Variants in EYS observed in about 807,000 individuals in gnomAD.
EYS encodes EGF-like photoreceptor maintenance factor, also known as protein eyes shut homolog.
In EYS, 250 loss-of-function variants were observed where a neutral mutation model predicts 282.1. The observed-to-expected ratio is 0.89, with a 90% CI of 0.80 to 0.98. EYS has a LOEUF of 0.98. EYS is among the 50% of genes least tolerant of loss of function. EYS has a pLI of 0.00. For synonymous variants in EYS, 1,355 were observed against 1,282.9 expected (o/e 1.06, Z -1.20); for missense variants, 4,016 against 3,709.0 (o/e 1.08, Z -2.15).
At chr6:64,536,598 A>G (rs1461715874) in intron 26 of EYS, among the ~76,000 whole-genome samples, 5 of 152,086 alleles carry the variant, frequency 3.3e-5, no homozygotes, top group Non-Finnish European at 7.4e-5. Flanking sequence ...ATTAATCTTT[A>G]TATTTTCTCC....
intron 28 of EYS, among the ~76,000 whole-genome samples, chr6:64,405,126 G>T (rs772497830): frequency 5.3e-5 from 8 of 152,014 alleles, no homozygotes; most frequent in Non-Finnish European, 1.2e-4. Flanking sequence ...TATTTTTCCT[G>T]ATGCTCTCCC....
At chr6:65,214,849 A>T (rs1766271595) in intron 12 of EYS, among the ~76,000 whole-genome samples, 1 of 152,162 alleles carries the variant, frequency 6.6e-6, no homozygotes, top group Non-Finnish European at 1.5e-5. Context: ...GGCCTTGAAG[A>T]AATATGTTAT....
chr6:65,547,523 G>A (rs934809613), intron 2 of EYS, among the ~76,000 whole-genome samples: 2 of 152,030 alleles, frequency 1.3e-5, no homozygotes, highest in Non-Finnish European at 2.9e-5. Context: ...GTATGTATGT[G>A]AATGTTTGCA....
intron 11 of EYS, among the ~76,000 whole-genome samples, chr6:65,310,299 A>T (rs1276796072): frequency 6.6e-6 from 1 of 152,076 alleles, no homozygotes; most frequent in East Asian, 1.9e-4. Context: ...AGCCGAGATC[A>T]TGACACTGCA....
intron 12 of EYS, among the ~76,000 whole-genome samples, chr6:65,076,850 T>C (rs1774069678): frequency 6.6e-6 from 1 of 151,982 alleles, no homozygotes; most frequent in African/African-American, 2.4e-5. Context: ...ATGTATTCAT[T>C]GATAATGACT....
At chr6:64,766,506 C>T (rs2149982314) in intron 22 of EYS, among the ~76,000 whole-genome samples, 3 of 146,022 alleles carry the variant, frequency 2.1e-5, no homozygotes, top group Middle Eastern at 6.9e-3. Context: ...GTTGTGGGCG[C>T]CTATAATCCC....
intron 11 of EYS, among the ~76,000 whole-genome samples, chr6:65,327,512 T>C (rs1192604227): frequency 6.6e-6 from 1 of 151,702 alleles, no homozygotes; most frequent in Non-Finnish European, 1.5e-5. Context: ...GTGTATAATC[T>C]ACTTAGCTTT....
chr6:63,763,870 TTATATA>T (rs55668347), intron 40 of EYS, among the ~76,000 whole-genome samples: 142 of 129,636 alleles, frequency 1.1e-3, no homozygotes, highest in African/African-American at 3.2e-3. Context: ...TTATATCTTG[TTATATA>T]TATATATATA....
chr6:64,908,938 G>T (rs543873854), intron 16 of EYS, among the ~76,000 whole-genome samples: 66 of 152,252 alleles, frequency 4.3e-4, no homozygotes, highest in African/African-American at 1.5e-3. Context: ...TCCTGTCTGA[G>T]AATTTAACTT....
intron 2 of EYS, among the ~76,000 whole-genome samples, chr6:65,620,454 T>C (rs1264384364): frequency 6.6e-6 from 1 of 151,932 alleles, no homozygotes; most frequent in Non-Finnish European, 1.5e-5. Context: ...TTTTTCTTTA[T>C]TAGTCTTGCT....
chr6:64,523,747 G>C (rs1777830659), intron 26 of EYS, among the ~76,000 whole-genome samples: 1 of 151,646 alleles, frequency 6.6e-6, no homozygotes, highest in Admixed American at 6.6e-5. Context: ...CTCCCTGAAT[G>C]ATGAATATCC....
At chr6:64,727,343 T>C (rs1222030882) in intron 22 of EYS, among the ~76,000 whole-genome samples, 1 of 152,208 alleles carries the variant, frequency 6.6e-6, no homozygotes, top group Non-Finnish European at 1.5e-5. Flanking sequence ...CATGGAATTC[T>C]GGTACTTAAA....
At chr6:65,025,522 A>T (rs922398619) in intron 13 of EYS, among the ~76,000 whole-genome samples, 54 of 152,314 alleles carry the variant, frequency 3.5e-4, no homozygotes, top group Admixed American at 3.4e-3. Context: ...ATTGAAAATA[A>T]TTATTTTGTT....
At chr6:65,474,301 T>C (rs1266106088) in intron 5 of EYS, among the ~76,000 whole-genome samples, 2 of 152,228 alleles carry the variant, frequency 1.3e-5, no homozygotes, top group African/African-American at 4.8e-5. Context: ...TCTATGATTC[T>C]GTAACAAACT....
intron 12 of EYS, among the ~76,000 whole-genome samples, chr6:65,134,509 T>G (rs1048922225): frequency 6.6e-6 from 1 of 151,956 alleles, no homozygotes; most frequent in Non-Finnish European, 1.5e-5. Flanking sequence ...GAAAACCAAA[T>G]ACCACATGTT....
At chr6:64,822,472 TG>T (rs972627940) in intron 20 of EYS, among the ~76,000 whole-genome samples, 178 bp downstream of exon 20, 2 of 152,022 alleles carry the variant, frequency 1.3e-5, no homozygotes, top group African/African-American at 4.8e-5. Context: ...GCAGAGATAA[TG>T]TATCAGTACA....
intron 1 of EYS, among the ~76,000 whole-genome samples, chr6:65,702,430 C>A (rs1254950703): frequency 6.6e-6 from 1 of 152,128 alleles, no homozygotes; most frequent in Non-Finnish European, 1.5e-5. Flanking sequence ...GTGGCTCATG[C>A]CTTGTAATTC....
chr6:64,757,926 A>C (rs1773009543), intron 22 of EYS, among the ~76,000 whole-genome samples: 1 of 151,968 alleles, frequency 6.6e-6, no homozygotes. Flanking sequence ...CTGGGACTAC[A>C]GGCGCCCGCC....
chr6:64,378,064 T>G (rs973062980), intron 29 of EYS: 1 of 152,184 alleles, frequency 6.6e-6, no homozygotes, highest in African/African-American at 2.4e-5. Flanking sequence ...GCTTACTTGT[T>G]GAATGAGTGC....
Sources: gnomAD v4.1 joint callset for allele counts (sites outside exome capture counted in the v4.1 genomes callset) on GRCh38, gnomAD v4.1.1 for gene constraint, MANE v1.5 for transcripts, NCBI Gene and HGNC (gene_info 2026-07-23, HGNC 2026-07-21) for gene names.